WDR12: variants seen among roughly 807,000 people sequenced by gnomAD.
The protein encoded by WDR12 is WD repeat domain 12, also known as ribosome biogenesis protein WDR12.
WDR12 carries 42 observed loss-of-function variants against 64.3 expected under a neutral mutation model. That is an observed-to-expected ratio of 0.65 (90% CI 0.51 to 0.84). The LOEUF (loss-of-function observed/expected upper bound fraction) is 0.84, where lower values mean the gene tolerates loss of function less well. WDR12 is among the 40% of genes least tolerant of loss of function. The pLI, the probability that WDR12 is intolerant of heterozygous loss-of-function variation, is 0.00. For synonymous variants in WDR12, 158 were observed against 173.3 expected (o/e 0.91, Z 0.70); for missense variants, 469 against 494.6 (o/e 0.95, Z 0.49).
In WDR12 at chr2:202,896,190, A is replaced by C. The variant is rs755686911; in HGVS notation, c.484T>G (p.Ser162Ala). 3.0e-5 allele frequency: 49 copies of C among 1,614,004 alleles called. 1 individual carries two copies. In the East Asian group the frequency reaches 3.1e-4, roughly 10 times the overall value. The change falls in exon 6 of 13, where the codon TCT (serine) becomes GCT (alanine). Residue 162 changes from serine (S) to alanine (A), a missense_variant. Ser to Ala is a moderately conservative substitution (Grantham distance 99). Transcript: ENST00000261015. ...DSLSCLLLSA[S>A]MDQTILLWEW... ...CATAAGAGAATAGTCTGATCCATAGAAGCACTCAATAATAAGCAGGACAAA... is the reference window on the plus strand; with the variant it reads ...CATAAGAGAATAGTCTGATCCATAGCAGCACTCAATAATAAGCAGGACAAA...
Position 202,911,480 on chromosome 2 carries a change from G to C in WDR12, c.-4C>G. On this transcript the variant is annotated 5_prime_UTR_variant, in exon 1 of 13. Transcript: ENST00000261015. ...AGCGTGTTTGGAGCTGAGCCATGGCGAGGAGTACACACGACTTGCCCACGG... is the reference window on the plus strand; with the variant it reads ...AGCGTGTTTGGAGCTGAGCCATGGCCAGGAGTACACACGACTTGCCCACGG... The C allele has an allele frequency of 6.2e-7, 1 of 1,613,810 alleles. No homozygotes were observed. Among genetic ancestry groups the C allele is most frequent in the Non-Finnish European group, 8.5e-7 (1 of 1,179,746 alleles).
chr2:202,886,409 G>C (rs562917059), intron 8 of WDR12, among the ~76,000 whole-genome samples: 1 of 152,058 alleles, frequency 6.6e-6, no homozygotes, highest in Admixed American at 6.5e-5. Context: ...CATTAGCTGA[G>C]ATTGTGCCAC....
rs760019603 is a variant in WDR12 at position 202,896,171 on chromosome 2, A to G, written c.503T>C (p.Leu168Pro). ...LLSASMDQTILLWEWNVERNK... is the reference protein window; with the variant it reads ...LLSASMDQTIPLWEWNVERNK... ...TCTCTCTACATTCCACTCCCATAAGAGAATAGTCTGATCCATAGAAGCACT... is the reference window on the plus strand; with the variant it reads ...TCTCTCTACATTCCACTCCCATAAGGGAATAGTCTGATCCATAGAAGCACT... The change falls in exon 6 of 13, where the codon CTC (leucine) becomes CCC (proline). Residue 168 changes from leucine to proline, a missense_variant. Physicochemically the swap from Leu to Pro is moderately conservative, Grantham distance 98 (BLOSUM62 -3). Coordinates refer to ENST00000261015, the MANE Select transcript of WDR12 (RefSeq NM_018256.4). 6.2e-7 allele frequency: 1 copy of G among 1,613,960 alleles called. No homozygotes were observed. Among genetic ancestry groups the G allele is most frequent in the Non-Finnish European group, 8.5e-7 (1 of 1,180,010 alleles).
rs1338230462 is a variant in WDR12, at chr2:202,875,355, AC to A, written c.*5504del. On this transcript the variant is annotated 3_prime_UTR_variant, in exon 13 of 13. Transcript: ENST00000261015. Reference sequence around the variant, plus strand: ...GCTGAACATATTATTGTAATTTAGTACCCACAAATGTCACTTAAATTTATGT... The same window carrying A: ...GCTGAACATATTATTGTAATTTAGTACCACAAATGTCACTTAAATTTATGT... The A allele has an allele frequency of 1.3e-5, 2 of 151,752 alleles. No individual in the cohort carries two copies. Among genetic ancestry groups the A allele is most frequent in the South Asian group, 2.1e-4 (1 of 4,790 alleles). 9.4% of individuals were successfully genotyped at this position (151,752 alleles called of 1,614,324 possible). A position where few individuals can be genotyped will look rare whatever the true frequency, so the allele number is the denominator to read the frequency against.
intron 1 of WDR12, 150 bp downstream of exon 1, chr2:202,911,286 T>C (rs952943869): frequency 4.0e-6 from 3 of 742,548 alleles, no homozygotes; most frequent in African/African-American, 1.8e-5. Flanking sequence ...TCAAATTATA[T>C]AGAACCTACG....
At chr2:202,908,000 T>C (rs764351001) in intron 1 of WDR12, 41 bp from the exon 2 acceptor site, 33 of 1,553,936 alleles carry the variant, frequency 2.1e-5, no homozygotes, top group Non-Finnish European at 2.8e-5. Flanking sequence ...AGTCTACAGA[T>C]ATTTGAACAA....
intron 2 of WDR12, among the ~76,000 whole-genome samples, chr2:202,901,485 T>TTTA (rs1688348100): frequency 6.6e-6 from 1 of 152,200 alleles, no homozygotes; most frequent in African/African-American, 2.4e-5. Context: ...TCATTTCATC[T>TTTA]GTAAATACTT....
In WDR12 at chr2:202,877,376, G is replaced by C. The variant is rs111494978; in HGVS notation, c.*3484C>G. The C allele has an allele frequency of 6.6e-6, 1 of 152,002 alleles. No homozygotes were observed. Among genetic ancestry groups the C allele is most frequent in the Admixed American group, 6.6e-5 (1 of 15,246 alleles). The allele number at this position is 152,002 out of a possible 1,614,324, so 9.4% of individuals were successfully genotyped here. ...TTAAAACTTTATTTGGGCTGGGTGC[G>C]GTGGCTCATGCCTGTAATCTCAGCA... On this transcript the variant is annotated 3_prime_UTR_variant, in exon 13 of 13. Transcript: ENST00000261015.
In WDR12 at chr2:202,878,298, A is replaced by G. The variant is rs1687896833; in HGVS notation, c.*2562T>C. The G allele has an allele frequency of 6.6e-6, 1 of 152,184 alleles. No individual in the cohort carries two copies. The highest frequency in any genetic ancestry group is 1.5e-5 in the Non-Finnish European group (1 of 68,026). The allele number at this position is 152,184 out of a possible 1,614,324, so 9.4% of individuals were successfully genotyped here. On this transcript the variant is annotated 3_prime_UTR_variant, in exon 13 of 13. Coordinates refer to ENST00000261015, the MANE Select transcript of WDR12 (RefSeq NM_018256.4). The stretch of plus-strand genomic sequence containing the variant: ...TCAGCCTAGGTTGGGTGAGTTAAGA[A>G]AGACATTTTAAATAACTGCCCTTAA...
At chr2:202,907,158 A>C (rs1418644330) in intron 2 of WDR12, among the ~76,000 whole-genome samples, 1 of 152,110 alleles carries the variant, frequency 6.6e-6, no homozygotes, top group East Asian at 1.9e-4. Flanking sequence ...CATGTTGGTC[A>C]GGCTGGTCTC....
intron 1 of WDR12, among the ~76,000 whole-genome samples, chr2:202,909,953 G>T (rs980672029): frequency 3.9e-5 from 6 of 151,994 alleles, no homozygotes; most frequent in African/African-American, 1.4e-4. Context: ...GCACCACCAT[G>T]CCTGGCAAAT....
intron 4 of WDR12, among the ~76,000 whole-genome samples, chr2:202,897,863 T>C (rs1250966429): frequency 1.7e-5 from 2 of 118,200 alleles, no homozygotes; most frequent in African/African-American, 6.6e-5. Flanking sequence ...CACACCAGCC[T>C]GGGTGACAGA....
rs749193145 is a variant in WDR12, at chr2:202,911,479, CGAG to C, written c.-6_-4del. On this transcript the variant is annotated 5_prime_UTR_variant, in exon 1 of 13. Transcript: ENST00000261015. ...AAGCGTGTTTGGAGCTGAGCCATGG[CGAG>C]GAGTACACACGACTTGCCCACGGAA... 95 of 1,613,936 alleles carry C rather than the reference CGAG, an allele frequency of 5.9e-5. No individual in the cohort carries two copies. The highest frequency in any genetic ancestry group is 7.5e-5 in the Non-Finnish European group (89 of 1,179,990).
chr2:202,909,705 T>G (rs1688531335), intron 1 of WDR12, among the ~76,000 whole-genome samples: 1 of 152,196 alleles, frequency 6.6e-6, no homozygotes, highest in Non-Finnish European at 1.5e-5. Flanking sequence ...CTTGTGTGTG[T>G]GTGTGACAAT....
chr2:202,881,899 A>G (rs528522532), intron 12 of WDR12, among the ~76,000 whole-genome samples: 1 of 151,250 alleles, frequency 6.6e-6, no homozygotes, highest in East Asian at 1.9e-4. Context: ...TACTCACAAG[A>G]AAAAAAAATG....
chr2:202,881,421 A>G (rs1687947175), intron 12 of WDR12, among the ~76,000 whole-genome samples: 1 of 152,174 alleles, frequency 6.6e-6, no homozygotes, highest in African/African-American at 2.4e-5. Context: ...GATTTTTCCA[A>G]CTGGTAAACA....
At chr2:202,894,546 T>C (rs1362068161) in intron 7 of WDR12, 35 bp downstream of exon 7, 1 of 1,561,508 alleles carries the variant, frequency 6.4e-7, no homozygotes, top group Admixed American at 1.9e-5. Context: ...TGAAACAACA[T>C]TATTAAGTCA....
intron 2 of WDR12, among the ~76,000 whole-genome samples, chr2:202,903,247 C>CT (rs1490058956): frequency 6.6e-6 from 1 of 152,050 alleles, no homozygotes; most frequent in African/African-American, 2.4e-5. Flanking sequence ...ATTCAACATC[C>CT]TTTCATGATA....
In WDR12 at chr2:202,884,216, A is replaced by G; in HGVS notation, c.970T>C (p.Trp324Arg). 1.2e-6 allele frequency: 2 copies of G among 1,613,132 alleles called. No individual in the cohort carries two copies. The highest frequency in any genetic ancestry group is 1.7e-6 in the Non-Finnish European group (2 of 1,180,006). Residue 324 changes from tryptophan (W) to arginine (R), a missense_variant, in exon 10 of 13, where the codon TGG becomes CGG. Trp to Arg is a moderately radical substitution (Grantham distance 101). Coordinates refer to ENST00000261015, the MANE Select transcript of WDR12 (RefSeq NM_018256.4). ...SGSTDRHIRL[W>R]DPRTKDGSLV... ...GACTCACCTTTAGTTCGGGGATCCCACAGTCTGATATGCCTATCTGTGCTT... is the reference window on the plus strand; with the variant it reads ...GACTCACCTTTAGTTCGGGGATCCCGCAGTCTGATATGCCTATCTGTGCTT...
Sources: gnomAD v4.1 joint callset for allele counts (sites outside exome capture counted in the v4.1 genomes callset) on GRCh38, gnomAD v4.1.1 for gene constraint, MANE v1.5 for transcripts, NCBI Gene and HGNC (gene_info 2026-07-23, HGNC 2026-07-21) for gene names.